The following SIL1 variants were observed in gnomAD, a reference collection of about 807,000 sequenced individuals.
SIL1 encodes the protein SIL1 nucleotide exchange factor, also known as nucleotide exchange factor SIL1.
SIL1 carries 40 observed loss-of-function variants against 49.1 expected under a neutral mutation model. The observed-to-expected ratio is 0.81, with a 90% confidence interval of 0.63 to 1.06. SIL1 has a LOEUF of 1.06. Among genes scored for constraint, SIL1 ranks in the 50% least tolerant of loss-of-function variants. The pLI is 0.00. For missense variants in SIL1, 500 were observed against 572.6 expected (o/e 0.87, Z 1.29); for synonymous variants, 253 against 250.8 (o/e 1.01, Z -0.08).
chr5:139,182,430 A>G (rs1752007351), intron 1 of SIL1, among the ~76,000 whole-genome samples: 1 of 152,204 alleles, frequency 6.6e-6, no homozygotes, highest in South Asian at 2.1e-4. Context: ...CACAATGGGT[A>G]CTCAGCAAAT....
intron 7 of SIL1, among the ~76,000 whole-genome samples, chr5:138,963,676 A>G (rs900974672): frequency 1.3e-5 from 2 of 152,104 alleles, no homozygotes; most frequent in African/African-American, 4.8e-5. Flanking sequence ...AAATATGGTG[A>G]ACAATATGGT....
chr5:138,978,138 A>G (rs1767432246), intron 7 of SIL1, among the ~76,000 whole-genome samples: 2 of 152,098 alleles, frequency 1.3e-5, no homozygotes, highest in Non-Finnish European at 2.9e-5. Flanking sequence ...TTGTGTATTC[A>G]CAGAGTTGTG....
intron 1 of SIL1, among the ~76,000 whole-genome samples, chr5:139,143,344 C>CACACATATATATATAT (rs1451727500): frequency 3.2e-4 from 31 of 97,482 alleles, no homozygotes; most frequent in African/African-American, 1.6e-3. Flanking sequence ...CACACACACA[C>CACACATATATATATAT]ATATATATAT....
rs140943492 is a variant in SIL1, at chr5:138,996,513, ATTTTTTTTTT to A, written c.767+24648_767+24657del. Reference sequence around the variant, plus strand: ...GTTGGTTGTTTTCTTTGCTGTGCAGATTTTTTTTTTTTTTTTTTTTTTTTTGAGACAGAGT... The same window carrying A: ...GTTGGTTGTTTTCTTTGCTGTGCAGATTTTTTTTTTTTTTTGAGACAGAGT... On this transcript the variant is annotated intron_variant, in intron 7 of 9. Coordinates refer to ENST00000394817, the MANE Select transcript of SIL1 (RefSeq NM_022464.5). Among the ~76,000 whole-genome samples the A allele has an allele frequency of 1.3e-3, 114 of 89,918 alleles. 1 individual carries two copies. The highest frequency in any genetic ancestry group is 2.8e-3 in the South Asian group (8 of 2,858). The allele number at this position is 89,918 out of a possible 152,430, so 59.0% of individuals were successfully genotyped here.
intron 3 of SIL1, among the ~76,000 whole-genome samples, chr5:139,090,596 C>T (rs981450312): frequency 1.3e-5 from 2 of 151,932 alleles, no homozygotes; most frequent in African/African-American, 4.8e-5. Flanking sequence ...GTAAGAGCAG[C>T]ATCTCAAATC....
At chr5:139,112,953 G>A (rs890265467) in intron 3 of SIL1, among the ~76,000 whole-genome samples, 1 of 152,242 alleles carries the variant, frequency 6.6e-6, no homozygotes, top group East Asian at 1.9e-4. Context: ...TCTGTACTAA[G>A]AAAGATTCTT....
At chr5:139,175,241 G>T (rs1252096199) in intron 1 of SIL1, among the ~76,000 whole-genome samples, 1 of 152,146 alleles carries the variant, frequency 6.6e-6, no homozygotes, top group Admixed American at 6.5e-5. Context: ...AGAATTGCTT[G>T]AAGCCGGGAG....
intron 3 of SIL1, among the ~76,000 whole-genome samples, chr5:139,105,797 G>A (rs1367175233): frequency 4.6e-5 from 7 of 152,232 alleles, no homozygotes; most frequent in Admixed American, 4.6e-4. Flanking sequence ...GGGGTGGAGA[G>A]CACCAGCAAA....
chr5:139,120,869 G>A (rs1318898121), intron 3 of SIL1, among the ~76,000 whole-genome samples, 166 bp downstream of exon 3: 2 of 152,188 alleles, frequency 1.3e-5, no homozygotes, highest in Non-Finnish European at 2.9e-5. Flanking sequence ...GCTGGAAAAC[G>A]AAGGTCCCTG....
intron 1 of SIL1, among the ~76,000 whole-genome samples, chr5:139,175,689 G>A (rs11745211): frequency 9.5e-4 from 145 of 152,300 alleles, no homozygotes; most frequent in Non-Finnish European, 1.3e-3. Context: ...CTGGCCAGGC[G>A]CGGTGGCTCA....
intron 1 of SIL1, among the ~76,000 whole-genome samples, chr5:139,149,486 C>T (rs1389704927): frequency 8.5e-5 from 13 of 152,168 alleles, no homozygotes; most frequent in Admixed American, 8.5e-4. Context: ...GGGTCCTGTC[C>T]TCCAGGAGCT....
At chr5:139,023,865 C>A (rs1768585401) in intron 6 of SIL1, among the ~76,000 whole-genome samples, 1 of 152,252 alleles carries the variant, frequency 6.6e-6, no homozygotes, top group Non-Finnish European at 1.5e-5. Flanking sequence ...TGCACCAGCC[C>A]TTCCAGTCAA....
chr5:139,023,193 G>A (rs1287482342), intron 6 of SIL1, among the ~76,000 whole-genome samples: 1 of 152,156 alleles, frequency 6.6e-6, no homozygotes, highest in Non-Finnish European at 1.5e-5. Context: ...AGGAAGAAAC[G>A]ATTCATTCTG....
intron 1 of SIL1, among the ~76,000 whole-genome samples, chr5:139,189,496 T>C (rs1192788989): frequency 6.6e-6 from 1 of 152,200 alleles, no homozygotes; most frequent in African/African-American, 2.4e-5. Flanking sequence ...GTCTACATTA[T>C]GGTGAGTTGT....
intron 3 of SIL1, among the ~76,000 whole-genome samples, chr5:139,053,382 C>A (rs527352917): frequency 6.6e-6 from 1 of 152,344 alleles, no homozygotes; most frequent in East Asian, 1.9e-4. Flanking sequence ...TGAACCATCA[C>A]CATCTCTGAT....
intron 7 of SIL1, among the ~76,000 whole-genome samples, chr5:138,979,267 G>A (rs925739224): frequency 3.9e-5 from 6 of 152,026 alleles, no homozygotes; most frequent in African/African-American, 1.5e-4. Flanking sequence ...GTTTCACCAT[G>A]TTGGCCAGGC....
At chr5:139,096,028 G>A (rs771169468) in intron 3 of SIL1, among the ~76,000 whole-genome samples, 3 of 152,170 alleles carry the variant, frequency 2.0e-5, no homozygotes, top group Non-Finnish European at 1.5e-5. Context: ...ACTCTGTGTC[G>A]CTGAAAGACG....
chr5:139,198,245 C>G (rs1752319577), intron 1 of SIL1, 24 bp downstream of exon 1: 2 of 151,958 alleles, frequency 1.3e-5, no homozygotes, highest in South Asian at 4.2e-4. Context: ...AGCTCCAGGG[C>G]CGGGCGGCCC....
At chr5:139,134,997 G>C (rs1054310884) in intron 1 of SIL1, among the ~76,000 whole-genome samples, 2 of 152,206 alleles carry the variant, frequency 1.3e-5, no homozygotes, top group Non-Finnish European at 2.9e-5. Flanking sequence ...CCTGACAAGG[G>C]AGAACAACGT....
Sources: gnomAD v4.1 joint callset for allele counts (sites outside exome capture counted in the v4.1 genomes callset) on GRCh38, gnomAD v4.1.1 for gene constraint, MANE v1.5 for transcripts, NCBI Gene and HGNC (gene_info 2026-07-23, HGNC 2026-07-21) for gene names.